Variants in NTRK3 observed in about 807,000 individuals in gnomAD.
NTRK3 encodes NT-3 growth factor receptor.
NTRK3 carries 24 observed loss-of-function variants against 91.7 expected under a neutral mutation model. That is an observed-to-expected ratio of 0.26 (90% confidence interval 0.19 to 0.37). The LOEUF (loss-of-function observed/expected upper bound fraction) is 0.37. NTRK3 is among the 10% of genes least tolerant of loss of function. The probability of loss-of-function intolerance (pLI) is 1.00; values close to 1 mark genes in which losing one functional copy is unlikely to be tolerated. For missense variants in NTRK3, 880 were observed against 1,068.9 expected, an observed-to-expected ratio of 0.82 and a Z score of 2.46; for synonymous variants, 483 against 404.0, an observed-to-expected ratio of 1.20 and a Z score of -2.34.
intron 13 of NTRK3, among the ~76,000 whole-genome samples, chr15:88,059,317 G>A (rs965940835): frequency 1.3e-5 from 2 of 152,122 alleles, no homozygotes; most frequent in Non-Finnish European, 2.9e-5. Context: ...GGCTCTGCTG[G>A]GAGACAAGAG....
intron 3 of NTRK3, among the ~76,000 whole-genome samples, chr15:88,232,730 C>T (rs1598089163): frequency 1.3e-5 from 2 of 152,158 alleles, no homozygotes; most frequent in Admixed American, 1.3e-4. Context: ...GTGGGATGTA[C>T]CAAGAAAAGG....
chr15:88,017,308 T>A (rs539653078), intron 14 of NTRK3, among the ~76,000 whole-genome samples: 1 of 152,334 alleles, frequency 6.6e-6, no homozygotes, highest in South Asian at 2.1e-4. Context: ...GAACCCTTCA[T>A]ACAGCTCCCC....
chr15:88,167,809 A>G (rs997414243), intron 5 of NTRK3, among the ~76,000 whole-genome samples: 1 of 152,178 alleles, frequency 6.6e-6, no homozygotes, highest in African/African-American at 2.4e-5. Flanking sequence ...CTCTGGGCAC[A>G]TCAATAAATG....
At chr15:88,042,539 T>C (rs2142153444) in intron 13 of NTRK3, among the ~76,000 whole-genome samples, 1 of 152,328 alleles carries the variant, frequency 6.6e-6, no homozygotes, top group South Asian at 2.1e-4. Flanking sequence ...CCCTGAATCA[T>C]TTCCCAAAAG....
chr15:88,187,044 G>T (rs369197313), intron 3 of NTRK3, among the ~76,000 whole-genome samples: 10 of 152,320 alleles, frequency 6.6e-5, no homozygotes, highest in African/African-American at 2.4e-4. Flanking sequence ...GCAGTGTGGG[G>T]CACATGTAAG....
chr15:88,001,434 G>T (rs887005048), intron 14 of NTRK3, among the ~76,000 whole-genome samples: 2 of 151,984 alleles, frequency 1.3e-5, no homozygotes, highest in African/African-American at 4.8e-5. Context: ...ACAGAAACTT[G>T]CACCTAAGTT....
intron 14 of NTRK3, among the ~76,000 whole-genome samples, chr15:87,955,284 G>T (rs538313289): frequency 6.6e-6 from 1 of 152,196 alleles, no homozygotes; most frequent in Non-Finnish European, 1.5e-5. Context: ...CCCACCTGAA[G>T]CAGGAATTTG....
At chr15:88,075,712 C>G (rs76853108) in intron 13 of NTRK3, among the ~76,000 whole-genome samples, 2,642 of 152,274 alleles carry the variant, frequency 0.017, 78 homozygotes, top group African/African-American at 0.059. Context: ...GCTTCGGTTC[C>G]ATGATGGTTA....
chr15:87,881,444 G>C (rs1338984335), intron 17 of NTRK3, among the ~76,000 whole-genome samples: 1 of 141,084 alleles, frequency 7.1e-6, no homozygotes, highest in East Asian at 2.3e-4. Flanking sequence ...TTTTGAGACG[G>C]AGTCTCGCTT....
At position 87,952,476 on chromosome 15, in the gene NTRK3, G is replaced by A. The variant is rs547263400; in HGVS notation, c.1586-11723C>T. On this transcript the variant is annotated intron_variant, in intron 14 of 18. Coordinates refer to ENST00000394480, the Ensembl canonical transcript of NTRK3. Reference sequence around the variant, plus strand: ...CTCAGGTGTGCAGTGGAGCGCTGGTGATCAGCCTCTCTGCGAACCCCCACC... The same window carrying A: ...CTCAGGTGTGCAGTGGAGCGCTGGTAATCAGCCTCTCTGCGAACCCCCACC... Among the ~76,000 whole-genome samples the A allele has an allele frequency of 7.2e-5, 11 of 152,228 alleles. No individual in the cohort carries two copies. The East Asian group carries it at 1.9e-3, about 27-fold the overall frequency.
intron 3 of NTRK3, among the ~76,000 whole-genome samples, chr15:88,194,046 A>G (rs536217252): frequency 1.3e-5 from 2 of 150,440 alleles, no homozygotes; most frequent in African/African-American, 4.9e-5. Context: ...TGCAAATCCA[A>G]TCGACTCTTC....
chr15:88,018,542 G>A (rs1388552665), intron 14 of NTRK3, among the ~76,000 whole-genome samples: 2 of 152,110 alleles, frequency 1.3e-5, no homozygotes, highest in African/African-American at 4.8e-5. Flanking sequence ...CTGTAAAGTG[G>A]GGAACACTAC....
chr15:88,121,635 C>A (rs1046178302), intron 13 of NTRK3, among the ~76,000 whole-genome samples: 1 of 152,146 alleles, frequency 6.6e-6, no homozygotes, highest in South Asian at 2.1e-4. Context: ...ATAGCCCATG[C>A]CCTGAACCCC....
intron 4 of NTRK3, 152 bp downstream of exon 4, chr15:88,184,073 A>G: frequency 1.3e-6 from 1 of 744,684 alleles, no homozygotes; most frequent in South Asian, 1.6e-5. Flanking sequence ...GGTGTCCCCT[A>G]AGTGCATATT....
At chr15:87,904,720 T>C (rs1470605521) in intron 17 of NTRK3, among the ~76,000 whole-genome samples, 18 of 152,210 alleles carry the variant, frequency 1.2e-4, no homozygotes, top group Admixed American at 1.2e-3. Flanking sequence ...GCGGCCCATA[T>C]GTAACCAGAA....
chr15:87,961,321 T>C (rs779585016), intron 14 of NTRK3, among the ~76,000 whole-genome samples: 1 of 152,222 alleles, frequency 6.6e-6, no homozygotes, highest in Non-Finnish European at 1.5e-5. Context: ...GAGACTATCA[T>C]TAAACTGTTG....
chr15:88,222,039 T>C (rs2050281019), intron 3 of NTRK3, among the ~76,000 whole-genome samples: 2 of 152,196 alleles, frequency 1.3e-5, no homozygotes, highest in African/African-American at 4.8e-5. Context: ...AAGCATGAGC[T>C]AGAAAGGCCT....
At chr15:88,256,518 C>CAAA (rs561718241) in intron 1 of NTRK3, 32 bp from the exon 2 acceptor site, 2 of 426,050 alleles carry the variant, frequency 4.7e-6, no homozygotes, top group Non-Finnish European at 8.0e-6. Flanking sequence ...GGTGGGGAGG[C>CAAA]AAAAAAAAAA....
intron 3 of NTRK3, among the ~76,000 whole-genome samples, chr15:88,201,075 A>G (rs1031959020): frequency 1.3e-5 from 2 of 152,138 alleles, no homozygotes; most frequent in Admixed American, 6.6e-5. Flanking sequence ...ACGCCGCATT[A>G]TTAATTTTCG....
Sources: gnomAD v4.1 joint callset for allele counts (sites outside exome capture counted in the v4.1 genomes callset) on GRCh38, gnomAD v4.1.1 for gene constraint, MANE v1.5 for transcripts, NCBI Gene and HGNC (gene_info 2026-07-23, HGNC 2026-07-21) for gene names.